Variants in CNTNAP5 observed in about 807,000 individuals in gnomAD.
The protein encoded by CNTNAP5 is contactin-associated protein-like 5.
Under a neutral mutation model 150.2 loss-of-function variants are expected in CNTNAP5, and 72 were observed. The observed-to-expected ratio is 0.48, with a 90% CI of 0.40 to 0.58. CNTNAP5 has a LOEUF of 0.58. Among genes scored for constraint, CNTNAP5 ranks in the 20% least tolerant of loss-of-function variants. The pLI is 0.00. For missense variants in CNTNAP5, 1,636 were observed against 1,626.2 expected, an observed-to-expected ratio of 1.01 and a Z score of -0.10; for synonymous variants, 672 against 619.8, an observed-to-expected ratio of 1.08 and a Z score of -1.25.
chr2:124,783,966 G>C (rs936349201), intron 17 of CNTNAP5, among the ~76,000 whole-genome samples: 2 of 152,138 alleles, frequency 1.3e-5, no homozygotes, highest in African/African-American at 4.8e-5. Flanking sequence ...GCCAATTGGA[G>C]AACCAGGACT....
intron 1 of CNTNAP5, among the ~76,000 whole-genome samples, chr2:124,089,231 A>G: frequency 6.6e-6 from 1 of 151,980 alleles, no homozygotes; most frequent in East Asian, 1.9e-4. Context: ...AAGAGGGAAA[A>G]GTCTATTTTC....
rs76177968 is a variant in CNTNAP5, at chr2:124,535,294, G to A, written c.1649+7838G>A. Among the ~76,000 whole-genome samples, 1,129 of 152,214 alleles carry A rather than the reference G, an allele frequency of 7.4e-3. 6 individuals are homozygous for A. Among genetic ancestry groups the A allele is most frequent in the East Asian group, 0.028 (143 of 5,160 alleles). Reference sequence around the variant, plus strand: ...TATGGAAGCAGGGTGCTGTTCCTGCGGTCTTTGCCTTTGCATCCTATGGAG... The same window carrying A: ...TATGGAAGCAGGGTGCTGTTCCTGCAGTCTTTGCCTTTGCATCCTATGGAG... On this transcript the variant is annotated intron_variant, in intron 10 of 23. Transcript: ENST00000682447.
intron 1 of CNTNAP5, among the ~76,000 whole-genome samples, chr2:124,173,200 C>G (rs1239783504): frequency 1.3e-5 from 2 of 152,170 alleles, no homozygotes; most frequent in African/African-American, 4.8e-5. Context: ...CTCACTCCCT[C>G]TCCTTGGGCC....
Position 124,463,761 on chromosome 2 carries a change from C to A in CNTNAP5, c.919-10978C>A, listed in dbSNP as rs563758412. 6.6e-5 allele frequency among the ~76,000 whole-genome samples: 10 copies of A among 152,236 alleles called. No individual in the cohort carries two copies. In the East Asian group the frequency reaches 1.9e-3, roughly 30 times the overall value. On this transcript the variant is annotated intron_variant, in intron 6 of 23. Transcript: ENST00000682447. ...ATGAGGACAAGTTGGTCACCTTAGCCTGGGACTTTTCATTGAGAAGGCTGC... is the reference window on the plus strand; with the variant it reads ...ATGAGGACAAGTTGGTCACCTTAGCATGGGACTTTTCATTGAGAAGGCTGC...
chr2:124,733,883 A>G (rs1055306812), intron 13 of CNTNAP5, among the ~76,000 whole-genome samples: 3 of 152,148 alleles, frequency 2.0e-5, no homozygotes, highest in Non-Finnish European at 4.4e-5. Flanking sequence ...GAGTGTTAAT[A>G]CGACATGCAC....
chr2:124,321,414 G>A (rs1475079164), intron 3 of CNTNAP5, among the ~76,000 whole-genome samples: 12 of 148,542 alleles, frequency 8.1e-5, no homozygotes, highest in Non-Finnish European at 1.5e-4. Context: ...TTGCATTCCA[G>A]CCTGGGCAAC....
intron 16 of CNTNAP5, among the ~76,000 whole-genome samples, chr2:124,766,207 T>C (rs537890240): frequency 7.5e-4 from 114 of 152,276 alleles, no homozygotes; most frequent in Non-Finnish European, 1.4e-3. Context: ...CTTGCCCTTG[T>C]TATTACCATG....
At chr2:124,594,708 A>T (rs1696782124) in intron 11 of CNTNAP5, among the ~76,000 whole-genome samples, 1 of 137,422 alleles carries the variant, frequency 7.3e-6, no homozygotes, top group African/African-American at 2.7e-5. Context: ...ATGGCATTGA[A>T]TCTGTAAATT....
At chr2:124,394,100 G>T (rs549911410) in intron 3 of CNTNAP5, among the ~76,000 whole-genome samples, 1 of 152,042 alleles carries the variant, frequency 6.6e-6, no homozygotes, top group Admixed American at 6.6e-5. Flanking sequence ...AGCTGGGCAC[G>T]GTGGCTCGCA....
intron 1 of CNTNAP5, among the ~76,000 whole-genome samples, chr2:124,196,585 C>T (rs981920736): frequency 3.9e-5 from 6 of 152,278 alleles, no homozygotes; most frequent in African/African-American, 9.6e-5. Flanking sequence ...AAAAGTATAA[C>T]GTATCATATG....
chr2:124,536,440 G>A (rs1695233327), intron 10 of CNTNAP5, among the ~76,000 whole-genome samples: 1 of 151,760 alleles, frequency 6.6e-6, no homozygotes, highest in African/African-American at 2.4e-5. Flanking sequence ...TGGGGGCCGG[G>A]GCATCTGTGT....
intron 1 of CNTNAP5, among the ~76,000 whole-genome samples, chr2:124,156,099 C>A (rs1262276765): frequency 6.6e-6 from 1 of 152,198 alleles, no homozygotes; most frequent in Non-Finnish European, 1.5e-5. Context: ...GCAGAAAACA[C>A]AGACAAATAG....
At chr2:124,730,222 A>G (rs1165407078) in intron 13 of CNTNAP5, among the ~76,000 whole-genome samples, 2 of 152,048 alleles carry the variant, frequency 1.3e-5, no homozygotes, top group African/African-American at 4.8e-5. Context: ...TAGGTAAAAA[A>G]TGTGTCTTTA....
At chr2:124,421,767 G>T (rs1008731595) in intron 4 of CNTNAP5, among the ~76,000 whole-genome samples, 1 of 152,130 alleles carries the variant, frequency 6.6e-6, no homozygotes, top group Admixed American at 6.5e-5. Context: ...GAATTTACAG[G>T]GTTGACTCCT....
intron 19 of CNTNAP5, among the ~76,000 whole-genome samples, chr2:124,822,943 A>G (rs544890595): frequency 5.3e-5 from 8 of 152,230 alleles, no homozygotes; most frequent in Non-Finnish European, 1.2e-4. Context: ...AACTCTACCA[A>G]TGTGTGACCA....
At chr2:124,354,887 G>A (rs373893993) in intron 3 of CNTNAP5, among the ~76,000 whole-genome samples, 1 of 151,742 alleles carries the variant, frequency 6.6e-6, no homozygotes, top group African/African-American at 2.4e-5. Context: ...TATATAGCCC[G>A]GTTTTTGATA....
chr2:124,304,484 C>A (rs1048772174), intron 3 of CNTNAP5, among the ~76,000 whole-genome samples: 2 of 146,552 alleles, frequency 1.4e-5, no homozygotes, highest in East Asian at 3.9e-4. Flanking sequence ...AGGAAGGGGC[C>A]AGATCCTTCA....
intron 1 of CNTNAP5, among the ~76,000 whole-genome samples, chr2:124,213,302 G>A (rs1180586282): frequency 6.6e-6 from 1 of 152,158 alleles, no homozygotes; most frequent in Non-Finnish European, 1.5e-5. Flanking sequence ...GGCTCTCTCA[G>A]TGAGAAAACT....
intron 10 of CNTNAP5, among the ~76,000 whole-genome samples, chr2:124,557,098 T>G (rs1267408151): frequency 6.6e-6 from 1 of 151,958 alleles, no homozygotes; most frequent in Admixed American, 6.6e-5. Context: ...TTCTAAGTAC[T>G]TAAGCAATAA....
Sources: allele counts gnomAD v4.1 joint callset (sites outside exome capture counted in the v4.1 genomes callset), GRCh38; gene constraint gnomAD v4.1.1; transcripts MANE v1.5; gene names NCBI Gene and HGNC (gene_info 2026-07-23, HGNC 2026-07-21).